Variants in AKNAD1 observed in about 807,000 individuals in gnomAD.
AKNAD1 encodes the protein protein AKNAD1.
A neutral mutation model predicts 90.8 loss-of-function variants in AKNAD1; 67 were observed. That is an observed-to-expected ratio of 0.74 (90% confidence interval 0.61 to 0.90). The LOEUF (loss-of-function observed/expected upper bound fraction) is 0.90. Ranked by LOEUF, AKNAD1 falls within the 40% of genes least tolerant of loss-of-function variation. The probability of loss-of-function intolerance (pLI) is 0.00; values close to 1 mark genes in which losing one functional copy is unlikely to be tolerated. For synonymous variants in AKNAD1, 327 were observed against 341.4 expected, an observed-to-expected ratio of 0.96 and a Z score of 0.46; for missense variants, 957 against 975.4, an observed-to-expected ratio of 0.98 and a Z score of 0.25.
intron 14 of AKNAD1, among the ~76,000 whole-genome samples, chr1:108,819,759 T>A (rs1252911804): frequency 6.6e-6 from 1 of 150,576 alleles, no homozygotes; most frequent in Non-Finnish European, 1.5e-5. Context: ...AAATTTTTTT[T>A]TTTTAATGTG....
chr1:108,852,779 G>A lies in AKNAD1; in HGVS notation c.-103-12C>T. 1 of 891,050 alleles carries A rather than the reference G, an allele frequency of 1.1e-6. No individual in the cohort carries two copies. Among genetic ancestry groups the A allele is most frequent in the South Asian group, 2.5e-5 (1 of 40,702 alleles). The allele number at this position is 891,050 out of a possible 1,614,324, so 55.2% of individuals were successfully genotyped here. ...CACTGTGTGCTATTCTGTGTGAAAT[G>A]AGAACAGCCTCATTGTTAAATATAT... is the stretch of plus-strand genomic sequence containing the variant. On this transcript the variant is annotated splice_polypyrimidine_tract_variant and intron_variant, in intron 1 of 15. Coordinates refer to ENST00000370001, the MANE Select transcript of AKNAD1 (RefSeq NM_152763.5).
At position 108,843,143 on chromosome 1, in the gene AKNAD1, T is replaced by C; in HGVS notation, c.1370A>G (p.Asp457Gly). The change falls in exon 6 of 16, where the codon GAT (aspartate) becomes GGT (glycine). Residue 457 changes from aspartate (D) to glycine (G), a missense_variant. Physicochemically the swap from Asp to Gly is moderately conservative, Grantham distance 94. Transcript: ENST00000370001. ...KHESTIVGDFDPERKVEGEIF... is the reference protein window; with the variant it reads ...KHESTIVGDFGPERKVEGEIF... ...TTGGTTTAAATCTGACCTTTCTGGA[T>C]CAAAGTCACCAACGATTGTTGATTC... 1 of 1,614,098 alleles carries C rather than the reference T, an allele frequency of 6.2e-7. No individual in the cohort carries two copies. Among genetic ancestry groups the C allele is most frequent in the Non-Finnish European group, 8.5e-7 (1 of 1,180,002 alleles).
At chr1:108,834,844 C>G in intron 8 of AKNAD1, 85 bp downstream of exon 8, 1 of 1,487,200 alleles carries the variant, frequency 6.7e-7, no homozygotes, top group South Asian at 1.4e-5. Flanking sequence ...CCTGTGGGAG[C>G]CTCATGGGCC....
In AKNAD1 at chr1:108,830,609, C is replaced by T. The variant is rs982545504; in HGVS notation, c.1788G>A (p.Glu596=). The T allele has an allele frequency of 2.5e-6, 4 of 1,614,056 alleles. No homozygotes were observed. In the African/African-American group the frequency reaches 5.3e-5, roughly 22 times the overall value. ...CACAGCTCGGACTGGGTGCCGTCAT[C>T]TCTGCACAATCCTGCCTTCTTGGAG... ...NGTPRRQDCA[E]MTAPSPSCAF... The change falls in exon 10 of 16, where the codon GAG becomes GAA. Residue 596 remains glutamate (E), a synonymous_variant. Coordinates refer to ENST00000370001, the MANE Select transcript of AKNAD1 (RefSeq NM_152763.5).
chr1:108,856,363 A>C (rs7516552), intron 1 of AKNAD1, among the ~76,000 whole-genome samples: 52,660 of 151,816 alleles, frequency 0.35, 10,455 homozygotes, highest in African/African-American at 0.55. Context: ...AAATATAATT[A>C]ATTAAAACTG....
rs765455607 is a variant in AKNAD1 at position 108,849,105 on chromosome 1, A to T, written c.1034-45T>A. The T allele has an allele frequency of 1.3e-5, 20 of 1,501,864 alleles. No homozygotes were observed. In the East Asian group the frequency reaches 4.4e-4, roughly 33 times the overall value. The allele number at this position is 1,501,864 out of a possible 1,614,324, so 93.0% of individuals were successfully genotyped here. On this transcript the variant is annotated intron_variant, in intron 3 of 15. Transcript: ENST00000370001. ...TTTGGGCTACCATTCATCTCAACTT[A>T]TCACAGTTTTATTAAGTACTGAAAA...
chr1:108,820,442 C>T lies in AKNAD1; in HGVS notation c.2249+103G>A, dbSNP rs1216372496. ...TTTGAATCCTGGCTCTACTCCTAAT[C>T]ATCTAGGTTATCTTGGGGTAGGTAG... On this transcript the variant is annotated intron_variant, in intron 14 of 15. Transcript: ENST00000370001. The T allele has an allele frequency of 5.6e-6, 4 of 711,840 alleles. No homozygotes were observed. In the African/African-American group the frequency reaches 7.1e-5, roughly 13 times the overall value. The allele number at this position is 711,840 out of a possible 1,614,324, so 44.1% of individuals were successfully genotyped here.
chr1:108,843,708 A>C (rs1664620451), intron 5 of AKNAD1, among the ~76,000 whole-genome samples: 1 of 152,226 alleles, frequency 6.6e-6, no homozygotes, highest in South Asian at 2.1e-4. Context: ...CTCTAGCAAT[A>C]TGTCTGAAGG....
At chr1:108,826,977 A>G (rs1179619654) in intron 11 of AKNAD1, among the ~76,000 whole-genome samples, 1 of 151,342 alleles carries the variant, frequency 6.6e-6, no homozygotes, top group Non-Finnish European at 1.5e-5. Flanking sequence ...CCTGAGCTCA[A>G]GTGATCCACC....
intron 11 of AKNAD1, among the ~76,000 whole-genome samples, chr1:108,824,414 T>G (rs1180909939): frequency 6.8e-6 from 1 of 146,982 alleles, no homozygotes; most frequent in African/African-American, 2.4e-5. Flanking sequence ...TTAGACTCAT[T>G]TTTAACATTA....
At chr1:108,835,670 A>G (rs1481307945) in intron 7 of AKNAD1, among the ~76,000 whole-genome samples, 2 of 150,440 alleles carry the variant, frequency 1.3e-5, no homozygotes, top group African/African-American at 4.9e-5. Context: ...TGTCACCCAG[A>G]CTGGAGTGCA....
At position 108,852,051 on chromosome 1, in the gene AKNAD1, T is replaced by A; in HGVS notation, c.614A>T (p.Asp205Val). 6.2e-7 allele frequency: 1 copy of A among 1,614,078 alleles called. No homozygotes were observed. The change falls in exon 2 of 16, where the codon GAT (aspartate) becomes GTT (valine). Residue 205 changes from aspartate (D) to valine (V), a missense_variant. Physicochemically the swap from Asp to Val is radical, Grantham distance 152 (BLOSUM62 -3). Transcript: ENST00000370001. ...SDLEGPVAAG[D>V]SSHQENVNVL... is the part of the protein sequence containing the mutation. Reference sequence around the variant, plus strand: ...ATTCACATTTTCTTGATGGCTGCTATCTCCAGCAGCCACTGGCCCTTCTAA... The same window carrying A: ...ATTCACATTTTCTTGATGGCTGCTAACTCCAGCAGCCACTGGCCCTTCTAA...
intron 9 of AKNAD1, among the ~76,000 whole-genome samples, chr1:108,831,601 C>A (rs563419121): frequency 1.1e-3 from 169 of 150,840 alleles, no homozygotes; most frequent in African/African-American, 3.9e-3. Context: ...GGAAATAAGT[C>A]TGTTCCTATA....
intron 9 of AKNAD1, 93 bp from the exon 10 acceptor site, chr1:108,830,743 G>C (rs1480701929): frequency 1.6e-6 from 2 of 1,239,434 alleles, no homozygotes; most frequent in Non-Finnish European, 2.3e-6. Context: ...CTGAGGTCCG[G>C]CTGAACTTGC....
At chr1:108,833,555 C>T (rs1201083803) in intron 9 of AKNAD1, among the ~76,000 whole-genome samples, 1 of 151,814 alleles carries the variant, frequency 6.6e-6, no homozygotes, top group Non-Finnish European at 1.5e-5. Flanking sequence ...TGCACTCCAG[C>T]CTGGACAACA....
At position 108,834,457 on chromosome 1, in the gene AKNAD1, G is replaced by C; in HGVS notation, c.1736C>G (p.Ser579Cys). ...GCTGCAGGACATTACCCCAGAGTTA[G>C]AAGACAGCCTCATGGCCACTTGGTC... ...KPDQVAMRLS[S>C]NSGEDPNGTP... Residue 579 changes from serine to cysteine, a missense_variant, in exon 9 of 16, where the codon TCT becomes TGT. Coordinates refer to ENST00000370001, the MANE Select transcript of AKNAD1 (RefSeq NM_152763.5). 6.2e-7 allele frequency: 1 copy of C among 1,610,104 alleles called. No homozygotes were observed. The highest frequency in any genetic ancestry group is 8.5e-7 in the Non-Finnish European group (1 of 1,178,352).
intron 1 of AKNAD1, among the ~76,000 whole-genome samples, chr1:108,854,154 A>G (rs182831861): frequency 8.2e-4 from 125 of 152,312 alleles, no homozygotes; most frequent in Non-Finnish European, 1.4e-3. Flanking sequence ...TGGCTGGAGT[A>G]AAACCAGCTG....
chr1:108,849,805 A>G (rs1332775636), intron 2 of AKNAD1, among the ~76,000 whole-genome samples: 2 of 152,234 alleles, frequency 1.3e-5, no homozygotes, highest in Non-Finnish European at 2.9e-5. Flanking sequence ...AAATGGGGAT[A>G]GTAAGTGAAC....
chr1:108,818,360 G>A (rs1315664697), intron 14 of AKNAD1, among the ~76,000 whole-genome samples: 2 of 152,134 alleles, frequency 1.3e-5, no homozygotes, highest in Admixed American at 1.3e-4. Flanking sequence ...TTAACACATT[G>A]GATTGATCCT....
Sources: allele counts gnomAD v4.1 joint callset (sites outside exome capture counted in the v4.1 genomes callset), GRCh38; gene constraint gnomAD v4.1.1; transcripts MANE v1.5; gene names NCBI Gene and HGNC (gene_info 2026-07-23, HGNC 2026-07-21).